Variants in HAPLN3 observed in about 807,000 individuals in gnomAD.
HAPLN3 encodes hyaluronan and proteoglycan link protein 3.
HAPLN3 carries 28 observed loss-of-function variants against 28.1 expected under a neutral mutation model. The observed-to-expected ratio is 1.00, with a 90% CI of 0.74 to 1.37. HAPLN3 has a LOEUF of 1.37. Ranked by LOEUF, HAPLN3 falls within the 40% of genes most tolerant of loss-of-function variation. The pLI, the probability that HAPLN3 is intolerant of heterozygous loss-of-function variation, is 0.00. For missense variants in HAPLN3, 513 were observed against 504.6 expected, an observed-to-expected ratio of 1.02 and a Z score of -0.16; for synonymous variants, 211 against 213.1, an observed-to-expected ratio of 0.99 and a Z score of 0.09.
Position 88,880,682 on chromosome 15 carries a change from G to T in HAPLN3, c.493+675C>A. The T allele has an allele frequency of 9.2e-7, 1 of 1,085,652 alleles. No individual in the cohort carries two copies. Among genetic ancestry groups the T allele is most frequent in the Non-Finnish European group, 1.2e-6 (1 of 809,890 alleles). 67.3% of individuals were successfully genotyped at this position (1,085,652 alleles called of 1,614,324 possible). A position where few individuals can be genotyped will look rare whatever the true frequency, so the allele number is the denominator to read the frequency against. On this transcript the variant is annotated intron_variant, in intron 3 of 4. Transcript: ENST00000359595. The surrounding 1 kb of genome is among the most constrained non-coding windows in gnomAD (Gnocchi z 6.0). ...CCACATACAAGATCCGGCTTGCAGG[G>T]TGTGGCTGGTTTGGACAGCACTGGG...
chr15:88,884,952 T>C (rs1259838115), intron 2 of HAPLN3, among the ~76,000 whole-genome samples: 2 of 152,208 alleles, frequency 1.3e-5, no homozygotes, highest in Non-Finnish European at 2.9e-5. Flanking sequence ...TACAGTCCTA[T>C]CCGCACCTCG....
rs762202764 is a variant in HAPLN3 at position 88,878,961 on chromosome 15, A to C, written c.796+6T>G. 1 of 1,603,384 alleles carries C rather than the reference A, an allele frequency of 6.2e-7. No homozygotes were observed. The highest frequency in any genetic ancestry group is 1.3e-5 in the African/African-American group (1 of 74,644). ...CCACAGGCCCGCGCTTGGCTATTCC[A>C]CTCACCCTTGAGGGCAGTAGCGAAG... On this transcript the variant is annotated splice_donor_region_variant and intron_variant, in intron 4 of 4. Coordinates refer to ENST00000359595, the MANE Select transcript of HAPLN3 (RefSeq NM_178232.4).
chr15:88,890,035 A>AAAGG (rs960495209), intron 1 of HAPLN3, among the ~76,000 whole-genome samples: 3 of 107,552 alleles, frequency 2.8e-5, no homozygotes, highest in African/African-American at 9.3e-5. Context: ...GGAAGGAAGG[A>AAAGG]AAGGAAGGAA....
chr15:88,883,664 ATG>A (rs1416911553), intron 2 of HAPLN3, among the ~76,000 whole-genome samples: 3 of 152,260 alleles, frequency 2.0e-5, no homozygotes, highest in Admixed American at 6.5e-5. Context: ...AATCTGGTAG[ATG>A]TACATTCAAT....
At chr15:88,883,654 A>G (rs1897766635) in intron 2 of HAPLN3, among the ~76,000 whole-genome samples, 1 of 152,266 alleles carries the variant, frequency 6.6e-6, no homozygotes, top group Admixed American at 6.5e-5. Context: ...CATGTAAAAT[A>G]ATCTGGTAGA....
chr15:88,878,072 G>A lies in HAPLN3; in HGVS notation c.981C>T (p.His327=). 1.2e-6 allele frequency: 2 copies of A among 1,614,070 alleles called. No individual in the cohort carries two copies. Among genetic ancestry groups the A allele is most frequent in the Non-Finnish European group, 1.7e-6 (2 of 1,179,982 alleles). ...ADGSVRYPVV[H]PHPNCGPPEP... ...CTGGGGGCCCACAGTTAGGATGCGG[G>A]TGAACCACAGGGTAGCGGACGCTAC... Residue 327 remains histidine (H), a synonymous_variant, in exon 5 of 5, where the codon CAC becomes CAT. Transcript: ENST00000359595.
In HAPLN3 at chr15:88,879,524, A is replaced by C; in HGVS notation, c.494-255T>G. 1 of 1,475,138 alleles carries C rather than the reference A, an allele frequency of 6.8e-7. No individual in the cohort carries two copies. 91.4% of individuals were successfully genotyped at this position (1,475,138 alleles called of 1,614,324 possible). On this transcript the variant is annotated intron_variant, in intron 3 of 4. Coordinates refer to ENST00000359595, the MANE Select transcript of HAPLN3 (RefSeq NM_178232.4). The surrounding 1 kb of genome is among the most constrained non-coding windows in gnomAD (Gnocchi z 5.0). ...AATTAGTCCATTAATGTCCCCAACAATGTCCCCAACCTAATCCGCAAGGCT... is the reference window on the plus strand; with the variant it reads ...AATTAGTCCATTAATGTCCCCAACACTGTCCCCAACCTAATCCGCAAGGCT...
In HAPLN3 at chr15:88,879,205, C is replaced by G; in HGVS notation, c.558G>C (p.Gln186His). The G allele has an allele frequency of 6.2e-7, 1 of 1,612,712 alleles. No homozygotes were observed. Among genetic ancestry groups the G allele is most frequent in the South Asian group, 1.1e-5 (1 of 90,902 alleles). The change falls in exon 4 of 5, where the codon CAG (glutamine) becomes CAC (histidine). Residue 186 changes from glutamine (Q) to histidine (H), a missense_variant. Physicochemically the swap from Gln to His is conservative, Grantham distance 24 (BLOSUM62 0). Transcript: ENST00000359595. The surrounding 1 kb of genome is among the most constrained non-coding windows in gnomAD (Gnocchi z 5.0). ...RYQFNFHEGQQVCAEQAAVVA... is the reference protein window; with the variant it reads ...RYQFNFHEGQHVCAEQAAVVA... ...CCACCGCAGCCTGCTCTGCACAGAC[C>G]TGCTGGCCCTCGTGGAAGTTGAACT...
chr15:88,890,884 C>CT (rs58694396), intron 1 of HAPLN3, among the ~76,000 whole-genome samples: 56 of 148,122 alleles, frequency 3.8e-4, no homozygotes, highest in South Asian at 6.4e-4. Context: ...TTTTTTGCAT[C>CT]TTTTTTTTTT....
In HAPLN3 at chr15:88,879,725, A is replaced by C. The variant is rs746134469; in HGVS notation, c.494-456T>G. 2.1e-5 allele frequency: 25 copies of C among 1,175,526 alleles called. No homozygotes were observed. Among genetic ancestry groups the C allele is most frequent in the Non-Finnish European group, 2.7e-5 (25 of 935,670 alleles). The allele number at this position is 1,175,526 out of a possible 1,614,324, so 72.8% of individuals were successfully genotyped here. ...GCAAGGAACTTTCCACGTGTGGCAG[A>C]TGATTTTCAGGAGAAGGAGAGGCCC... On this transcript the variant is annotated intron_variant, in intron 3 of 4. Coordinates refer to ENST00000359595, the MANE Select transcript of HAPLN3 (RefSeq NM_178232.4). The surrounding 1 kb of genome is among the most constrained non-coding windows in gnomAD (Gnocchi z 5.0).
At chr15:88,884,748 GTGGGCCC>G in intron 2 of HAPLN3, among the ~76,000 whole-genome samples, 1 of 152,036 alleles carries the variant, frequency 6.6e-6, no homozygotes, top group East Asian at 1.9e-4. Context: ...AATTTCCCAG[GTGGGCCC>G]TAAATGCAAA....
At chr15:88,886,308 G>A (rs1211059009) in intron 2 of HAPLN3, among the ~76,000 whole-genome samples, 11 of 145,612 alleles carry the variant, frequency 7.6e-5, no homozygotes, top group Admixed American at 4.2e-4. Flanking sequence ...CCAAGATCGC[G>A]CCACTGCACT....
At chr15:88,893,464 G>A (rs1596179830) in intron 1 of HAPLN3, among the ~76,000 whole-genome samples, 1 of 151,988 alleles carries the variant, frequency 6.6e-6, no homozygotes, top group Non-Finnish European at 1.5e-5. Flanking sequence ...GATGTATGAT[G>A]TCTGGTCCCT....
Position 88,879,677 on chromosome 15 carries a change from A to C in HAPLN3, c.494-408T>G. On this transcript the variant is annotated intron_variant, in intron 3 of 4. Coordinates refer to ENST00000359595, the MANE Select transcript of HAPLN3 (RefSeq NM_178232.4). This position sits in a 1 kb window ranked among gnomAD's most constrained non-coding sequence, Gnocchi z 5.0. ...GACCCGATCGTCTACGTTATTATGAATGTGGAAATTTCCTAGGAAAATGCA... is the reference window on the plus strand; with the variant it reads ...GACCCGATCGTCTACGTTATTATGACTGTGGAAATTTCCTAGGAAAATGCA... 8.4e-7 allele frequency: 1 copy of C among 1,184,268 alleles called. No homozygotes were observed. The highest frequency in any genetic ancestry group is 3.7e-5 in the Admixed American group (1 of 26,674). 73.4% of individuals were successfully genotyped at this position (1,184,268 alleles called of 1,614,324 possible).
rs1897686172 is a variant in HAPLN3 at position 88,881,211 on chromosome 15, G to C, written c.493+146C>G. 1 of 1,043,908 alleles carries C rather than the reference G, an allele frequency of 9.6e-7. No homozygotes were observed. Among genetic ancestry groups the C allele is most frequent in the Non-Finnish European group, 1.4e-6 (1 of 733,290 alleles). The allele number at this position is 1,043,908 out of a possible 1,614,324, so 64.7% of individuals were successfully genotyped here. ...CCTCAGTTTTCTCACCTGTAAAATG[G>C]GGGTCACAACAGTAGCTTCCATGTG... On this transcript the variant is annotated intron_variant, in intron 3 of 4. Coordinates refer to ENST00000359595, the MANE Select transcript of HAPLN3 (RefSeq NM_178232.4). This position sits in a 1 kb window ranked among gnomAD's most constrained non-coding sequence, Gnocchi z 6.0.
Position 88,888,009 on chromosome 15 carries a change from AC to A in HAPLN3, c.-47-665del, listed in dbSNP as rs957805238. Among the ~76,000 whole-genome samples, 4 of 152,100 alleles carry A rather than the reference AC, an allele frequency of 2.6e-5. No homozygotes were observed. The highest frequency in any genetic ancestry group is 4.4e-5 in the Non-Finnish European group (3 of 68,018). On this transcript the variant is annotated intron_variant, in intron 1 of 4. Transcript: ENST00000359595. The surrounding 1 kb of genome is among the most constrained non-coding windows in gnomAD (Gnocchi z 4.1). ...AAAAGAAAAGAAAGGTATGAGCAGC[AC>A]TTTTTAATGACGCCAAATAAACTAG...
Position 88,881,130 on chromosome 15 carries a change from C to T in HAPLN3, c.493+227G>A. ...AGGCTGGGTGCTTGGGTTCAGACCCCAGCTCTGTCGTTTACAAGCTGTGTG... is the reference window on the plus strand; with the variant it reads ...AGGCTGGGTGCTTGGGTTCAGACCCTAGCTCTGTCGTTTACAAGCTGTGTG... On this transcript the variant is annotated intron_variant, in intron 3 of 4. Transcript: ENST00000359595. This position sits in a 1 kb window ranked among gnomAD's most constrained non-coding sequence, Gnocchi z 6.0. 1 of 587,430 alleles carries T rather than the reference C, an allele frequency of 1.7e-6. No homozygotes were observed. Among genetic ancestry groups the T allele is most frequent in the Non-Finnish European group, 3.0e-6 (1 of 338,868 alleles). 36.4% of individuals were successfully genotyped at this position (587,430 alleles called of 1,614,324 possible). A position where few individuals can be genotyped will look rare whatever the true frequency, so the allele number is the denominator to read the frequency against.
At position 88,879,199 on chromosome 15, in the gene HAPLN3, A is replaced by T; in HGVS notation, c.564T>A (p.Cys188Ter). Reference sequence around the variant, plus strand: ...AGGCCACCACCGCAGCCTGCTCTGCACAGACCTGCTGGCCCTCGTGGAAGT... The same window carrying T: ...AGGCCACCACCGCAGCCTGCTCTGCTCAGACCTGCTGGCCCTCGTGGAAGT... ...QFNFHEGQQV[C>*]AEQAAVVASF... The change falls in exon 4 of 5, where the codon TGT becomes TGA. Residue 188 changes from cysteine to a stop codon, truncating the protein, a stop_gained. Coordinates refer to ENST00000359595, the MANE Select transcript of HAPLN3 (RefSeq NM_178232.4). LOFTEE classifies it high-confidence loss of function. The surrounding 1 kb of genome is among the most constrained non-coding windows in gnomAD (Gnocchi z 5.0). The T allele has an allele frequency of 1.2e-6, 2 of 1,613,322 alleles. No homozygotes were observed. Among genetic ancestry groups the T allele is most frequent in the Non-Finnish European group, 1.7e-6 (2 of 1,179,710 alleles).
At position 88,879,676 on chromosome 15, in the gene HAPLN3, A is replaced by G. The variant is rs1897643831; in HGVS notation, c.494-407T>C. ...GGACCCGATCGTCTACGTTATTATGAATGTGGAAATTTCCTAGGAAAATGC... is the reference window on the plus strand; with the variant it reads ...GGACCCGATCGTCTACGTTATTATGGATGTGGAAATTTCCTAGGAAAATGC... On this transcript the variant is annotated intron_variant, in intron 3 of 4. Coordinates refer to ENST00000359595, the MANE Select transcript of HAPLN3 (RefSeq NM_178232.4). The surrounding 1 kb of genome is among the most constrained non-coding windows in gnomAD (Gnocchi z 5.0). The G allele has an allele frequency of 8.5e-7, 1 of 1,183,298 alleles. No homozygotes were observed. Among genetic ancestry groups the G allele is most frequent in the Non-Finnish European group, 1.1e-6 (1 of 940,140 alleles). 73.3% of individuals were successfully genotyped at this position (1,183,298 alleles called of 1,614,324 possible).
Sources: allele counts gnomAD v4.1 joint callset (sites outside exome capture counted in the v4.1 genomes callset), GRCh38; gene constraint gnomAD v4.1.1; non-coding constraint Gnocchi (gnomAD v3.1); transcripts MANE v1.5; gene names NCBI Gene and HGNC (gene_info 2026-07-23, HGNC 2026-07-21).